The following RAB38 variants were observed in gnomAD, a reference collection of about 807,000 sequenced individuals.
RAB38 encodes the protein RAB38, member RAS oncogene family.
In RAB38, 15 loss-of-function variants were observed where a neutral mutation model predicts 18.4. That is an observed-to-expected ratio of 0.82 (90% confidence interval 0.55 to 1.26). The LOEUF (loss-of-function observed/expected upper bound fraction) is 1.26. RAB38 is among the 50% of genes most tolerant of loss of function. RAB38 has a pLI of 0.00. For synonymous variants in RAB38, 101 were observed against 104.4 expected, an observed-to-expected ratio of 0.97 and a Z score of 0.20; for missense variants, 294 against 267.4, an observed-to-expected ratio of 1.10 and a Z score of -0.69.
At chr11:88,011,008 C>A in the RAB38 span, among the ~76,000 whole-genome samples, 2 of 152,128 alleles carry the variant, frequency 1.3e-5, no homozygotes, top group Non-Finnish European at 1.5e-5. Flanking sequence ...AAATTTGTCT[C>A]CCTGGCATTT....
the RAB38 span, among the ~76,000 whole-genome samples, chr11:87,816,795 A>G: frequency 2.0e-5 from 3 of 152,102 alleles, no homozygotes; most frequent in East Asian, 5.8e-4. Context: ...TGTATTTTAA[A>G]TATCCTGGGA....
At chr11:87,845,206 G>T in the RAB38 span, among the ~76,000 whole-genome samples, 1 of 152,042 alleles carries the variant, frequency 6.6e-6, no homozygotes, top group Admixed American at 6.6e-5. Context: ...GGCAAATGTA[G>T]CCCAACTCAA....
At chr11:88,124,984 GC>G (rs1460191700) in intron 2 of RAB38, among the ~76,000 whole-genome samples, 1 of 152,160 alleles carries the variant, frequency 6.6e-6, no homozygotes, top group Non-Finnish European at 1.5e-5. Flanking sequence ...TTCAACTTAT[GC>G]TTAGAGATGA....
chr11:88,032,443 A>C, the RAB38 span, among the ~76,000 whole-genome samples: 24,238 of 152,150 alleles, frequency 0.16, 3,312 homozygotes, highest in African/African-American at 0.35. Flanking sequence ...GTGAACAGGC[A>C]ACCTACAAAA....
chr11:87,811,851 C>A, the RAB38 span, among the ~76,000 whole-genome samples: 1 of 152,058 alleles, frequency 6.6e-6, no homozygotes, highest in African/African-American at 2.4e-5. Context: ...TCCTGGTGAT[C>A]TTTTATGGTT....
At chr11:87,974,510 T>C in the RAB38 span, among the ~76,000 whole-genome samples, 2 of 151,758 alleles carry the variant, frequency 1.3e-5, no homozygotes, top group Non-Finnish European at 2.9e-5. Flanking sequence ...TAGTGTAATA[T>C]ATTACAATAA....
At chr11:88,025,119 G>A in the RAB38 span, among the ~76,000 whole-genome samples, 13 of 151,216 alleles carry the variant, frequency 8.6e-5, no homozygotes, top group African/African-American at 1.5e-4. Context: ...CCAAAATATC[G>A]CATATATCTC....
chr11:88,092,697 T>A, the RAB38 span, among the ~76,000 whole-genome samples: 2 of 151,686 alleles, frequency 1.3e-5, no homozygotes, highest in South Asian at 2.1e-4. Context: ...TGTATATATA[T>A]AAAACATATA....
At chr11:88,023,065 T>C in the RAB38 span, among the ~76,000 whole-genome samples, 1 of 152,020 alleles carries the variant, frequency 6.6e-6, no homozygotes, top group Admixed American at 6.6e-5. Context: ...GCTTAATAAC[T>C]GAGTGTGACA....
the RAB38 span, among the ~76,000 whole-genome samples, chr11:88,019,715 T>A: frequency 1.3e-5 from 2 of 152,184 alleles, no homozygotes; most frequent in Non-Finnish European, 2.9e-5. Context: ...AGTCTCTTTA[T>A]GTTACAGCCT....
At chr11:88,152,503 T>G (rs927996560) in intron 1 of RAB38, among the ~76,000 whole-genome samples, 1 of 152,194 alleles carries the variant, frequency 6.6e-6, no homozygotes, top group Non-Finnish European at 1.5e-5. Context: ...ACAGCTTGTT[T>G]CTAGAAAGAA....
At chr11:87,928,127 G>A in the RAB38 span, among the ~76,000 whole-genome samples, 3,340 of 151,814 alleles carry the variant, frequency 0.022, 124 homozygotes, top group African/African-American at 0.077. Flanking sequence ...AGAAGGAAGA[G>A]AGAGAAACTA....
chr11:88,010,213 C>G, the RAB38 span, among the ~76,000 whole-genome samples: 1 of 152,134 alleles, frequency 6.6e-6, no homozygotes, highest in Non-Finnish European at 1.5e-5. Context: ...TTGACTTATG[C>G]TGTATGTTGT....
the RAB38 span, among the ~76,000 whole-genome samples, chr11:87,883,357 A>G: frequency 6.6e-6 from 1 of 151,926 alleles, no homozygotes; most frequent in African/African-American, 2.4e-5. Context: ...CTTCAGTTCA[A>G]ACCTCACGTT....
chr11:88,097,904 A>G, the RAB38 span: 3 of 151,974 alleles, frequency 2.0e-5, no homozygotes, highest in Admixed American at 6.6e-5. Context: ...ATACAAATAC[A>G]TATTTACCAA....
chr11:87,969,784 GC>G, the RAB38 span, among the ~76,000 whole-genome samples: 2 of 152,064 alleles, frequency 1.3e-5, no homozygotes, highest in Admixed American at 6.6e-5. Context: ...GCATGGCCTA[GC>G]AAAAAGGTAA....
the RAB38 span, among the ~76,000 whole-genome samples, chr11:88,010,607 A>C: frequency 6.6e-6 from 1 of 152,182 alleles, no homozygotes; most frequent in African/African-American, 2.4e-5. Context: ...GTTGAATAGA[A>C]TCATGGAGTA....
the RAB38 span, among the ~76,000 whole-genome samples, chr11:88,041,527 A>T: frequency 6.6e-6 from 1 of 152,264 alleles, no homozygotes; most frequent in African/African-American, 2.4e-5. Context: ...TGTAACGAGT[A>T]AACTTTTTAT....
chr11:88,138,666 T>C (rs1196675547), intron 2 of RAB38, among the ~76,000 whole-genome samples: 1 of 152,168 alleles, frequency 6.6e-6, no homozygotes, highest in East Asian at 1.9e-4. Flanking sequence ...AATATGGGCA[T>C]AGTAATAGCA....
Sources: allele counts gnomAD v4.1 joint callset (sites outside exome capture counted in the v4.1 genomes callset), GRCh38; gene constraint gnomAD v4.1.1; transcripts MANE v1.5; gene names NCBI Gene and HGNC (gene_info 2026-07-23, HGNC 2026-07-21).